Variants in SVEP1 observed in about 807,000 individuals in gnomAD.
SVEP1 encodes the protein sushi, von Willebrand factor type A, EGF and pentraxin domain containing 1.
In SVEP1, 164 loss-of-function variants were observed where a neutral mutation model predicts 367.3. The ratio of observed to expected loss-of-function variants is 0.45; its 90% CI spans 0.39 to 0.51. The LOEUF (loss-of-function observed/expected upper bound fraction) is 0.51, where lower values mean the gene tolerates loss of function less well. SVEP1 is among the 20% of genes least tolerant of loss of function. SVEP1 has a pLI of 0.00. For missense variants in SVEP1, 4,117 were observed against 4,425.3 expected, an observed-to-expected ratio of 0.93 and a Z score of 1.98; for synonymous variants, 1,666 against 1,611.6, an observed-to-expected ratio of 1.03 and a Z score of -0.81.
Position 110,579,214 on chromosome 9 carries a change from C to T in SVEP1, c.330G>A (p.Leu110=). ...CCGTGGGCACCACGGGGAAGTCGGA[C>T]AGCAGCTTGCGGACGAACATGAGCT... ...RSELMFVRKL[L]SDFPVVPTAT... Residue 110 remains leucine, a synonymous_variant, in exon 1 of 48, where the codon CTG becomes CTA. Coordinates refer to ENST00000374469, the MANE Select transcript of SVEP1 (RefSeq NM_153366.4). This position sits in a 1 kb window ranked among gnomAD's most constrained non-coding sequence, Gnocchi z 5.3. The T allele has an allele frequency of 6.4e-7, 1 of 1,570,554 alleles. No homozygotes were observed. Among genetic ancestry groups the T allele is most frequent in the Non-Finnish European group, 8.6e-7 (1 of 1,158,600 alleles).
chr9:110,468,205 A>T (rs1438277058), intron 17 of SVEP1, among the ~76,000 whole-genome samples: 1 of 152,262 alleles, frequency 6.6e-6, no homozygotes, highest in Non-Finnish European at 1.5e-5. Context: ...AGAGACAGCA[A>T]TGGAATATTT....
intron 46 of SVEP1, among the ~76,000 whole-genome samples, chr9:110,371,348 A>AGCTT (rs996452567): frequency 1.3e-5 from 2 of 152,192 alleles, no homozygotes; most frequent in Non-Finnish European, 2.9e-5. Flanking sequence ...CTTGTCTAAA[A>AGCTT]GCTTAAGCCT....
intron 5 of SVEP1, among the ~76,000 whole-genome samples, chr9:110,511,488 C>CTTTTTTTTTTTTTTTTTTTTTTT (rs199993986): frequency 1.3e-5 from 1 of 77,554 alleles, no homozygotes; most frequent in African/African-American, 4.5e-5. Context: ...GTGTCAGTAC[C>CTTTTTTTTTTTTTTTTTTTTTTT]TTTTTTTTTT....
intron 41 of SVEP1, 128 bp from the exon 42 acceptor site, chr9:110,387,586 G>C: frequency 9.5e-7 from 1 of 1,048,538 alleles, no homozygotes; most frequent in Non-Finnish European, 1.3e-6. Flanking sequence ...GTGAAGCACA[G>C]TGATATTCAT....
Position 110,458,427 on chromosome 9 carries a change from TCCAAGCATTCCACTAGAGAACAGTTTA to T in SVEP1, c.3576+17_3576+43del, listed in dbSNP as rs767376875. The T allele has an allele frequency of 1.3e-5, 20 of 1,544,074 alleles. No homozygotes were observed. The East Asian group carries it at 1.6e-4, about 12-fold the overall frequency. Reference sequence around the variant, plus strand: ...TGATGTGTAAAATGACAAATTGCTTTCCAAGCATTCCACTAGAGAACAGTTTATGCAAAATGAACTTGCCTGACTGCT... The same window carrying T: ...TGATGTGTAAAATGACAAATTGCTTTTGCAAAATGAACTTGCCTGACTGCT... On this transcript the variant is annotated intron_variant, in intron 20 of 47. Transcript: ENST00000374469.
intron 3 of SVEP1, among the ~76,000 whole-genome samples, chr9:110,539,767 G>A (rs763850463): frequency 2.4e-4 from 36 of 151,760 alleles, no homozygotes; most frequent in African/African-American, 8.0e-4. Flanking sequence ...GTAACACTCC[G>A]ATTTTAGTAT....
intron 6 of SVEP1, 137 bp from the exon 7 acceptor site, chr9:110,499,375 A>C: frequency 2.7e-6 from 2 of 731,996 alleles, no homozygotes; most frequent in Non-Finnish European, 4.3e-6. Context: ...TATATATGAC[A>C]TTGAATGTAT....
At chr9:110,577,457 C>A (rs949228492) in intron 1 of SVEP1, among the ~76,000 whole-genome samples, 1 of 151,994 alleles carries the variant, frequency 6.6e-6, no homozygotes, top group Admixed American at 6.5e-5. Flanking sequence ...TCAAGTTAGA[C>A]CTCTTTGTCA....
In SVEP1 at chr9:110,579,015, C is replaced by G; in HGVS notation, c.529G>C (p.Ala177Pro). 6.5e-7 allele frequency: 1 copy of G among 1,545,948 alleles called. No individual in the cohort carries two copies. The highest frequency in any genetic ancestry group is 8.7e-7 in the Non-Finnish European group (1 of 1,146,324). Residue 177 changes from alanine to proline, a missense_variant and splice_region_variant, in exon 1 of 48, where the codon GCG becomes CCG. Physicochemically the swap from Ala to Pro is conservative, Grantham distance 27. Transcript: ENST00000374469. This position sits in a 1 kb window ranked among gnomAD's most constrained non-coding sequence, Gnocchi z 5.3. ...GTCGGGAGGGGCGGGCGCCTTACCG[C>G]GGCTTGCTGGAAGGCGCCCTTGGTG... Reference protein sequence around the residue: ...TYTKGAFQQAAQILLHARENS... With the variant: ...TYTKGAFQQAPQILLHARENS...
At chr9:110,437,382 T>C (rs1234041337) in intron 27 of SVEP1, among the ~76,000 whole-genome samples, 4 of 152,192 alleles carry the variant, frequency 2.6e-5, no homozygotes. Flanking sequence ...TTGCTAGTCA[T>C]ATGTGTTTTA....
chr9:110,550,953 TA>T (rs575188955), intron 1 of SVEP1, among the ~76,000 whole-genome samples: 144 of 152,348 alleles, frequency 9.5e-4, no homozygotes, highest in African/African-American at 3.2e-3. Context: ...ATCTGGCATT[TA>T]ATTCAATTTG....
rs1827544894 is a variant in SVEP1, at chr9:110,387,549, A to ATATAAAATATTATGGCCTACTCATGTGTG, written c.9887-120_9887-92dup. On this transcript the variant is annotated intron_variant, in intron 41 of 47. Transcript: ENST00000374469. ...GATTGCCAAAGATATTTCATGGAAT[A>ATATAAAATATTATGGCCTACTCATGTGTG]TATAAAATATTATGGCCTACTCATG... The ATATAAAATATTATGGCCTACTCATGTGTG allele has an allele frequency of 2.6e-5, 35 of 1,338,034 alleles. No homozygotes were observed. The South Asian group carries it at 4.4e-4, about 17-fold the overall frequency. The allele number at this position is 1,338,034 out of a possible 1,614,324, so 82.9% of individuals were successfully genotyped here.
chr9:110,394,031 T>G (rs952500114), intron 40 of SVEP1, among the ~76,000 whole-genome samples: 3 of 152,180 alleles, frequency 2.0e-5, no homozygotes, highest in African/African-American at 7.2e-5. Context: ...GCACGCAGCT[T>G]GAGATCTGAC....
chr9:110,371,393 C>G (rs1039848278), intron 46 of SVEP1, among the ~76,000 whole-genome samples: 1 of 152,222 alleles, frequency 6.6e-6, no homozygotes, highest in South Asian at 2.1e-4. Context: ...CAGTATTCCA[C>G]TCAGGGCCAC....
intron 47 of SVEP1, among the ~76,000 whole-genome samples, chr9:110,367,332 C>A (rs967413406): frequency 2.6e-5 from 4 of 151,984 alleles, no homozygotes; most frequent in African/African-American, 9.7e-5. Context: ...GCTAATTTTT[C>A]TGGGTATTTT....
chr9:110,482,231 TA>T, intron 11 of SVEP1, 129 bp downstream of exon 11: 1 of 1,033,952 alleles, frequency 9.7e-7, no homozygotes, highest in Non-Finnish European at 1.3e-6. Flanking sequence ...AAAACCTAAA[TA>T]AAACCTGTCA....
At chr9:110,415,667 G>A (rs1345812424) in intron 36 of SVEP1, among the ~76,000 whole-genome samples, 1 of 151,950 alleles carries the variant, frequency 6.6e-6, no homozygotes, top group Non-Finnish European at 1.5e-5. Context: ...GAGATAAGAT[G>A]AGTGCTGACT....
At chr9:110,404,255 T>C (rs1827917574) in intron 39 of SVEP1, 72 bp downstream of exon 39, 3 of 1,451,056 alleles carry the variant, frequency 2.1e-6, no homozygotes, top group African/African-American at 2.8e-5. Context: ...GGGATTACTA[T>C]TATAGATACT....
At chr9:110,444,751 T>A in intron 26 of SVEP1, among the ~76,000 whole-genome samples, 1 of 147,964 alleles carries the variant, frequency 6.8e-6, no homozygotes, top group Admixed American at 6.9e-5. Context: ...CAGAGGTTTA[T>A]GAAAAAATAA....
Sources: allele counts gnomAD v4.1 joint callset (sites outside exome capture counted in the v4.1 genomes callset), GRCh38; gene constraint gnomAD v4.1.1; non-coding constraint Gnocchi (gnomAD v3.1); transcripts MANE v1.5; gene names NCBI Gene and HGNC (gene_info 2026-07-23, HGNC 2026-07-21).